Variants in ATP10A observed in about 807,000 individuals in gnomAD.
ATP10A encodes the protein ATPase phospholipid transporting 10A (putative), also known as phospholipid-transporting ATPase VA.
In ATP10A, 111 loss-of-function variants were observed where a neutral mutation model predicts 147.8. The observed-to-expected ratio is 0.75, with a 90% CI of 0.64 to 0.88. The LOEUF is 0.88. Among genes scored for constraint, ATP10A ranks in the 40% least tolerant of loss-of-function variants. The probability of loss-of-function intolerance (pLI) is 0.00; values close to 1 mark genes in which losing one functional copy is unlikely to be tolerated. For synonymous variants in ATP10A, 875 were observed against 841.6 expected (o/e 1.04, Z -0.69); for missense variants, 1,927 against 1,959.0 (o/e 0.98, Z 0.31).
chr15:25,696,852 C>T (rs1900367310), intron 13 of ATP10A, among the ~76,000 whole-genome samples: 1 of 152,220 alleles, frequency 6.6e-6, no homozygotes, highest in Non-Finnish European at 1.5e-5. Flanking sequence ...GGCAATTCTG[C>T]TACCGTGGCT....
At chr15:25,798,509 T>G (rs1890789189) in intron 1 of ATP10A, among the ~76,000 whole-genome samples, 1 of 152,108 alleles carries the variant, frequency 6.6e-6, no homozygotes, top group Admixed American at 6.5e-5. Flanking sequence ...TTCATCTGGG[T>G]GACAGATGTT....
chr15:25,771,048 T>C (rs1889306775), intron 2 of ATP10A, among the ~76,000 whole-genome samples: 1 of 152,180 alleles, frequency 6.6e-6, no homozygotes, highest in South Asian at 2.1e-4. Context: ...ATGCTGTTTA[T>C]AAGCGGTAGT....
intron 1 of ATP10A, among the ~76,000 whole-genome samples, chr15:25,837,364 T>C (rs544965909): frequency 6.6e-6 from 1 of 152,338 alleles, no homozygotes; most frequent in Admixed American, 6.5e-5. Context: ...ATCCTGCCAT[T>C]TGCAACGATG....
chr15:25,780,093 C>T (rs1889834049), intron 2 of ATP10A, among the ~76,000 whole-genome samples: 2 of 152,234 alleles, frequency 1.3e-5, no homozygotes, highest in African/African-American at 2.4e-5. Flanking sequence ...AATCGCTCAC[C>T]GCCCCACTCC....
intron 1 of ATP10A, among the ~76,000 whole-genome samples, chr15:25,835,542 G>T (rs576344688): frequency 3.9e-5 from 6 of 152,208 alleles, no homozygotes; most frequent in African/African-American, 1.4e-4. Context: ...TCCTGAACAG[G>T]GTCCCAAGCC....
intron 3 of ATP10A, 42 bp from the exon 4 acceptor site, chr15:25,727,308 T>C: frequency 6.7e-7 from 1 of 1,501,904 alleles, no homozygotes; most frequent in Non-Finnish European, 9.3e-7. Context: ...GTTGCAGGCC[T>C]GTGCCTCATG....
downstream of ATP10A, among the ~76,000 whole-genome samples, chr15:25,676,389 CA>C (rs1899136347): frequency 6.6e-6 from 1 of 152,218 alleles, no homozygotes; most frequent in South Asian, 2.1e-4. Flanking sequence ...CTTCCATGTG[CA>C]GGGGAGAAGC....
intron 7 of ATP10A, 151 bp downstream of exon 7, chr15:25,721,506 G>T: frequency 8.5e-7 from 1 of 1,176,184 alleles, no homozygotes. Context: ...TGACAGCCAC[G>T]TCTTTATACT....
intron 16 of ATP10A, among the ~76,000 whole-genome samples, chr15:25,685,108 A>AT (rs1299582165): frequency 9.2e-5 from 14 of 152,030 alleles, no homozygotes; most frequent in African/African-American, 1.9e-4. Flanking sequence ...GATAATTGAG[A>AT]TTTTTTTTCC....
chr15:25,711,781 G>A (rs569692161), intron 10 of ATP10A, among the ~76,000 whole-genome samples: 1 of 152,150 alleles, frequency 6.6e-6, no homozygotes, highest in South Asian at 2.1e-4. Flanking sequence ...CCCTTCCTGA[G>A]ACCCAGAGCA....
At chr15:25,839,610 T>C (rs995110789) in intron 1 of ATP10A, among the ~76,000 whole-genome samples, 7 of 152,190 alleles carry the variant, frequency 4.6e-5, no homozygotes, top group Admixed American at 1.3e-4. Context: ...TTCCCACCAC[T>C]GGGCACTCCG....
chr15:25,845,447 A>G (rs562986247), intron 1 of ATP10A, among the ~76,000 whole-genome samples: 3 of 152,214 alleles, frequency 2.0e-5, no homozygotes, highest in Admixed American at 2.0e-4. Flanking sequence ...ACTGTTTTGC[A>G]TACTCTGCCT....
intron 2 of ATP10A, among the ~76,000 whole-genome samples, chr15:25,742,584 G>A (rs1344032243): frequency 6.6e-6 from 1 of 152,196 alleles, no homozygotes; most frequent in Non-Finnish European, 1.5e-5. Context: ...CGGGGTTAGA[G>A]TTTGAAGTCT....
At chr15:25,755,013 C>T (rs945200655) in intron 2 of ATP10A, among the ~76,000 whole-genome samples, 1 of 152,156 alleles carries the variant, frequency 6.6e-6, no homozygotes, top group East Asian at 1.9e-4. Flanking sequence ...TCCCCATACC[C>T]TATCCCACTT....
At chr15:25,693,010 GC>G (rs1596694079) in intron 14 of ATP10A, among the ~76,000 whole-genome samples, 2 of 151,510 alleles carry the variant, frequency 1.3e-5, no homozygotes, top group Admixed American at 6.6e-5. Context: ...CCACCATGTT[GC>G]CCCAGCAGTT....
intron 2 of ATP10A, among the ~76,000 whole-genome samples, chr15:25,765,886 C>T (rs1888993535): frequency 6.6e-6 from 1 of 152,204 alleles, no homozygotes; most frequent in Non-Finnish European, 1.5e-5. Context: ...GAGCACTCAC[C>T]ACCTGCCAGG....
intron 2 of ATP10A, among the ~76,000 whole-genome samples, chr15:25,763,359 T>C (rs537066780): frequency 6.6e-6 from 1 of 152,212 alleles, no homozygotes; most frequent in South Asian, 2.1e-4. Flanking sequence ...AACCAGTGAG[T>C]CCGACTCATC....
intron 1 of ATP10A, among the ~76,000 whole-genome samples, chr15:25,790,398 T>C (rs999606507): frequency 3.3e-5 from 5 of 152,238 alleles, no homozygotes; most frequent in African/African-American, 9.6e-5. Context: ...TGGAGCAGAC[T>C]GCTCAAATGA....
chr15:25,761,781 T>C lies in ATP10A; in HGVS notation c.654+19238A>G, dbSNP rs1185954170. The stretch of plus-strand genomic sequence containing the variant: ...CCCATTGTATCTAGGAGGTAACTAA[T>C]TTGCTTTTGATTTTATAGTCTCATA... On this transcript the variant is annotated intron_variant, in intron 2 of 20. Coordinates refer to ENST00000555815, the MANE Select transcript of ATP10A (RefSeq NM_024490.4). Among the ~76,000 whole-genome samples the C allele has an allele frequency of 5.9e-5, 9 of 152,346 alleles. No homozygotes were observed. In the East Asian group the frequency reaches 1.7e-3, roughly 29 times the overall value.
Sources: allele counts gnomAD v4.1 joint callset (sites outside exome capture counted in the v4.1 genomes callset), GRCh38; gene constraint gnomAD v4.1.1; transcripts MANE v1.5; gene names NCBI Gene and HGNC (gene_info 2026-07-23, HGNC 2026-07-21).